The following ZNF362 variants were observed in gnomAD, a reference collection of about 807,000 sequenced individuals.
The protein encoded by ZNF362 is zinc finger protein 362.
ZNF362 carries 11 observed loss-of-function variants against 42.9 expected under a neutral mutation model. The observed-to-expected ratio is 0.26, with a 90% CI of 0.16 to 0.42. The LOEUF is 0.42. Ranked by LOEUF, ZNF362 falls within the 20% of genes least tolerant of loss-of-function variation. The pLI, the probability that ZNF362 is intolerant of heterozygous loss-of-function variation, is 1.00. For missense variants in ZNF362, 362 were observed against 576.2 expected (o/e 0.63, Z 3.81); for synonymous variants, 255 against 257.3 (o/e 0.99, Z 0.09).
the ZNF362 span, among the ~76,000 whole-genome samples, chr1:33,149,385 C>T: frequency 1.3e-5 from 2 of 151,986 alleles, no homozygotes; most frequent in Non-Finnish European, 2.9e-5. Flanking sequence ...AACTCCTGGC[C>T]TCAAGTGATC....
the ZNF362 span, among the ~76,000 whole-genome samples, chr1:33,180,273 C>A: frequency 6.6e-6 from 1 of 152,122 alleles, no homozygotes; most frequent in Non-Finnish European, 1.5e-5. Flanking sequence ...AATCACCTTA[C>A]ATCTGGGCCT....
At chr1:33,243,761 C>T in the ZNF362 span, among the ~76,000 whole-genome samples, 2 of 147,864 alleles carry the variant, frequency 1.4e-5, no homozygotes, top group African/African-American at 5.0e-5. Context: ...TACAACTGGC[C>T]AATTTTTTTT....
the ZNF362 span, among the ~76,000 whole-genome samples, chr1:33,239,267 G>A: frequency 6.6e-6 from 1 of 152,298 alleles, no homozygotes; most frequent in Non-Finnish European, 1.5e-5. Flanking sequence ...CTGTTCCAAT[G>A]TTGTTGGCAA....
the ZNF362 span, chr1:33,147,157 G>A: frequency 6.2e-7 from 1 of 1,608,322 alleles, no homozygotes; most frequent in Non-Finnish European, 8.5e-7. This position sits in a 1 kb window ranked among gnomAD's most constrained non-coding sequence, Gnocchi z 8.1. Context: ...CCAGGAGGTT[G>A]TGGTCTCCTT....
In ZNF362 at chr1:33,280,471, C is replaced by A. The variant is rs1470860347; in HGVS notation, c.683+14C>A. 6.4e-7 allele frequency: 1 copy of A among 1,550,482 alleles called. No homozygotes were observed. Reference sequence around the variant, plus strand: ...CAAGACGTACAGGTGGGGGTCTTGGCGGGATGGGGTCCGAGTGGGCTTGGG... The same window carrying A: ...CAAGACGTACAGGTGGGGGTCTTGGAGGGATGGGGTCCGAGTGGGCTTGGG... On this transcript the variant is annotated intron_variant, in intron 5 of 8. Transcript: ENST00000539719. This position sits in a 1 kb window ranked among gnomAD's most constrained non-coding sequence, Gnocchi z 5.6.
chr1:33,235,364 C>T, the ZNF362 span, among the ~76,000 whole-genome samples: 3 of 152,116 alleles, frequency 2.0e-5, no homozygotes, highest in Non-Finnish European at 4.4e-5. Flanking sequence ...CCTCACGATG[C>T]CTGTAAGGGA....
At chr1:33,268,167 TCTTGGGTCAATTAGGAAGACAGGA>T (rs978667068) in intron 1 of ZNF362, among the ~76,000 whole-genome samples, 7 of 152,162 alleles carry the variant, frequency 4.6e-5, no homozygotes, top group South Asian at 2.1e-4. Flanking sequence ...CATAGCCCCT[TCTTGGGTCAATTAGGAAGACAGGA>T]CTTGGGTCAA....
intron 1 of ZNF362, among the ~76,000 whole-genome samples, chr1:33,268,873 CTTTTA>C (rs757672324): frequency 1.2e-4 from 19 of 152,274 alleles, no homozygotes; most frequent in African/African-American, 3.9e-4. Flanking sequence ...GGGTTATGAT[CTTTTA>C]TTTTATTAAA....
chr1:33,189,709 G>GTATATATATA, the ZNF362 span, among the ~76,000 whole-genome samples: 3 of 12,448 alleles, frequency 2.4e-4, no homozygotes, highest in Middle Eastern at 0.033. Context: ...ACATATATAC[G>GTATATATATA]TATATATATA....
chr1:33,243,367 C>T, the ZNF362 span, among the ~76,000 whole-genome samples: 6 of 150,696 alleles, frequency 4.0e-5, no homozygotes, highest in South Asian at 2.1e-4. Context: ...TTTTTTTTAG[C>T]GGAGATGGGG....
the ZNF362 span, among the ~76,000 whole-genome samples, chr1:33,180,117 C>T: frequency 2.8e-3 from 433 of 152,062 alleles, 3 homozygotes; most frequent in African/African-American, 0.01. Flanking sequence ...TAAGGGAGAC[C>T]GATTAGAGTT....
At chr1:33,188,470 C>T in the ZNF362 span, among the ~76,000 whole-genome samples, 1 of 152,184 alleles carries the variant, frequency 6.6e-6, no homozygotes, top group Non-Finnish European at 1.5e-5. Flanking sequence ...TGAGAGAGTG[C>T]TGCTGATCAT....
At chr1:33,261,752 A>G (rs2148064156) in intron 1 of ZNF362, 1 of 152,352 alleles carries the variant, frequency 6.6e-6, no homozygotes, top group South Asian at 2.1e-4. Context: ...GGTGGATGTC[A>G]TCTAGCCAAA....
chr1:33,165,917 TG>T, the ZNF362 span: 3 of 177,150 alleles, frequency 1.7e-5, no homozygotes. The surrounding 1 kb of genome is among the most constrained non-coding windows in gnomAD (Gnocchi z 4.0). Flanking sequence ...AGGCCACAGG[TG>T]GGTATTGGTC....
chr1:33,246,510 GTAGTGA>G, the ZNF362 span, among the ~76,000 whole-genome samples: 1 of 152,196 alleles, frequency 6.6e-6, no homozygotes, highest in South Asian at 2.1e-4. Flanking sequence ...CCAGGTGGGT[GTAGTGA>G]TCAGAGTGGA....
At chr1:33,278,439 T>C (rs1227602692) in intron 4 of ZNF362, among the ~76,000 whole-genome samples, 2 of 152,256 alleles carry the variant, frequency 1.3e-5, no homozygotes, top group Non-Finnish European at 2.9e-5. Flanking sequence ...GCCTTAATCC[T>C]ACTATTGTTA....
chr1:33,251,347 A>G, the ZNF362 span, among the ~76,000 whole-genome samples: 1 of 152,284 alleles, frequency 6.6e-6, no homozygotes, highest in African/African-American at 2.4e-5. Context: ...GGTAGGGCTG[A>G]TTCCTTAATA....
chr1:33,174,975 A>ACACATGTATT, the ZNF362 span, among the ~76,000 whole-genome samples: 2 of 136,020 alleles, frequency 1.5e-5, no homozygotes, highest in Admixed American at 7.1e-5. Flanking sequence ...ATATACACAC[A>ACACATGTATT]TATACATATA....
chr1:33,186,923 A>C, the ZNF362 span, among the ~76,000 whole-genome samples: 1 of 150,468 alleles, frequency 6.6e-6, no homozygotes, highest in African/African-American at 2.5e-5. Flanking sequence ...CCTTAAGATA[A>C]GGACTAAAGT....
Sources: allele counts gnomAD v4.1 joint callset (sites outside exome capture counted in the v4.1 genomes callset), GRCh38; gene constraint gnomAD v4.1.1; non-coding constraint Gnocchi (gnomAD v3.1); transcripts MANE v1.5; gene names NCBI Gene and HGNC (gene_info 2026-07-23, HGNC 2026-07-21).